Variants in PLEKHA7 observed in about 807,000 individuals in gnomAD.
PLEKHA7 encodes the protein pleckstrin homology domain containing A7.
Under a neutral mutation model 170.0 loss-of-function variants are expected in PLEKHA7, and 104 were observed. That is an observed-to-expected ratio of 0.61 (90% CI 0.52 to 0.72). The LOEUF (loss-of-function observed/expected upper bound fraction) is 0.72. PLEKHA7 is among the 30% of genes least tolerant of loss of function. PLEKHA7 has a pLI of 0.00. For synonymous variants in PLEKHA7, 648 were observed against 660.8 expected (o/e 0.98, Z 0.30); for missense variants, 1,615 against 1,671.7 (o/e 0.97, Z 0.59).
At chr11:16,801,966 C>T in intron 15 of PLEKHA7, 149 bp from the exon 16 acceptor site, 1 of 940,328 alleles carries the variant, frequency 1.1e-6, no homozygotes, top group South Asian at 1.6e-5. Context: ...GCTCTGATGC[C>T]AGCTCTGACT....
chr11:16,957,714 T>C (rs1861793143), intron 3 of PLEKHA7, among the ~76,000 whole-genome samples: 1 of 142,898 alleles, frequency 7.0e-6, no homozygotes, highest in African/African-American at 2.6e-5. Flanking sequence ...TTTTTTTTTT[T>C]TTTTTTTGAG....
intron 4 of PLEKHA7, among the ~76,000 whole-genome samples, chr11:16,856,203 T>C (rs1030726628): frequency 3.9e-5 from 6 of 152,168 alleles, no homozygotes; most frequent in African/African-American, 1.4e-4. Flanking sequence ...ACACTCACTC[T>C]CTTAATCAGG....
intron 19 of PLEKHA7, 61 bp downstream of exon 19, chr11:16,794,427 G>T (rs1421101121): frequency 1.3e-5 from 20 of 1,504,436 alleles, no homozygotes; most frequent in Non-Finnish European, 1.8e-5. Context: ...TCTCCCAGGA[G>T]AAGGTAATCT....
intron 9 of PLEKHA7, among the ~76,000 whole-genome samples, chr11:16,839,703 G>A (rs1590290017): frequency 6.6e-6 from 1 of 151,990 alleles, no homozygotes; most frequent in Non-Finnish European, 1.5e-5. Flanking sequence ...ATGTAATCTT[G>A]CAATCTAGAA....
At chr11:16,808,897 G>A (rs1257523765) in intron 13 of PLEKHA7, among the ~76,000 whole-genome samples, 1 of 152,204 alleles carries the variant, frequency 6.6e-6, no homozygotes, top group Admixed American at 6.5e-5. Context: ...AAGAAGGCAG[G>A]TGTGAAGTCA....
intron 3 of PLEKHA7, among the ~76,000 whole-genome samples, chr11:16,913,316 G>C (rs2136174893): frequency 6.6e-6 from 1 of 152,164 alleles, no homozygotes; most frequent in South Asian, 2.1e-4. Context: ...AATGCTAATT[G>C]CCCCCACAAG....
intron 3 of PLEKHA7, among the ~76,000 whole-genome samples, chr11:17,004,088 T>C (rs1212174566): frequency 1.3e-5 from 2 of 152,182 alleles, no homozygotes; most frequent in African/African-American, 4.8e-5. Context: ...GCAATAAACA[T>C]GATGCATCTG....
At chr11:16,947,019 C>G (rs1861073039) in intron 3 of PLEKHA7, among the ~76,000 whole-genome samples, 1 of 152,144 alleles carries the variant, frequency 6.6e-6, no homozygotes, top group Non-Finnish European at 1.5e-5. Context: ...GCGCCAGCAC[C>G]CCCTGGGAAC....
At chr11:16,897,433 CA>C (rs1455610315) in intron 3 of PLEKHA7, among the ~76,000 whole-genome samples, 1 of 152,164 alleles carries the variant, frequency 6.6e-6, no homozygotes, top group East Asian at 1.9e-4. Flanking sequence ...CCAAAGCCAG[CA>C]AAAGAGCCTA....
intron 3 of PLEKHA7, among the ~76,000 whole-genome samples, chr11:16,983,863 T>A (rs150688000): frequency 1.8e-4 from 28 of 152,238 alleles, no homozygotes; most frequent in South Asian, 1.0e-3. Flanking sequence ...CCCAGGTCCA[T>A]CTTTAATAAT....
At chr11:16,808,923 T>C (rs1849171168) in intron 13 of PLEKHA7, among the ~76,000 whole-genome samples, 1 of 152,178 alleles carries the variant, frequency 6.6e-6, no homozygotes, top group Non-Finnish European at 1.5e-5. Context: ...TGCGTACATG[T>C]CCCAGCAGTG....
intron 9 of PLEKHA7, among the ~76,000 whole-genome samples, chr11:16,828,093 C>A (rs1268038247): frequency 6.6e-6 from 1 of 152,216 alleles, no homozygotes; most frequent in Non-Finnish European, 1.5e-5. Context: ...ATGGGATCTG[C>A]TTCTCACTGT....
intron 13 of PLEKHA7, among the ~76,000 whole-genome samples, chr11:16,811,048 G>A (rs956845366): frequency 2.6e-5 from 4 of 152,130 alleles, no homozygotes; most frequent in Admixed American, 6.5e-5. Context: ...TGTTGGAGTC[G>A]ACACTCAGGG....
At chr11:16,920,204 G>A (rs1397068984) in intron 3 of PLEKHA7, among the ~76,000 whole-genome samples, 2 of 152,188 alleles carry the variant, frequency 1.3e-5, no homozygotes, top group Non-Finnish European at 2.9e-5. Context: ...GTACACATCT[G>A]CCTCTCCCAC....
Position 16,892,432 on chromosome 11 carries a change from G to GTGTGTGTTTTGTTTTGTTTTGTTT in PLEKHA7, c.222-21251_222-21250insAAACAAAACAAAACAAAACACACA, listed in dbSNP as rs1554964931. Reference sequence around the variant, plus strand: ...TGTGTGTGTGTGTGTGTGTGTGTGTGTGTTTTGTTTTGTTTTGTTTTGTTT... The same window carrying GTGTGTGTTTTGTTTTGTTTTGTTT: ...TGTGTGTGTGTGTGTGTGTGTGTGTGTGTGTGTTTTGTTTTGTTTTGTTTTGTTTTGTTTTGTTTTGTTTTGTTT... On this transcript the variant is annotated intron_variant, in intron 3 of 26. Coordinates refer to ENST00000531066, the MANE Select transcript of PLEKHA7 (RefSeq NM_001329630.2). Among the ~76,000 whole-genome samples the GTGTGTGTTTTGTTTTGTTTTGTTT allele has an allele frequency of 9.6e-5, 11 of 115,022 alleles. 1 individual carries two copies. In the South Asian group the frequency reaches 2.5e-3, roughly 26 times the overall value. 75.5% of individuals were successfully genotyped at this position (115,022 alleles called of 152,430 possible). A position where few individuals can be genotyped will look rare whatever the true frequency, so the allele number is the denominator to read the frequency against.
At chr11:16,980,874 CAAA>C (rs1361622044) in intron 3 of PLEKHA7, among the ~76,000 whole-genome samples, 1 of 152,000 alleles carries the variant, frequency 6.6e-6, no homozygotes, top group Non-Finnish European at 1.5e-5. Flanking sequence ...GCAACAAGAG[CAAA>C]ATTCCATCTC....
At chr11:16,951,557 T>G (rs906649223) in intron 3 of PLEKHA7, among the ~76,000 whole-genome samples, 4 of 152,170 alleles carry the variant, frequency 2.6e-5, no homozygotes, top group East Asian at 1.9e-4. Flanking sequence ...AGAACTCAGA[T>G]ACAAACCCAG....
chr11:16,783,545 G>A (rs1353215171), intron 25 of PLEKHA7, among the ~76,000 whole-genome samples, 155 bp downstream of exon 25: 3 of 152,222 alleles, frequency 2.0e-5, no homozygotes, highest in South Asian at 2.1e-4. Flanking sequence ...ATCTGCTGGC[G>A]ATGTACCAGC....
intron 17 of PLEKHA7, among the ~76,000 whole-genome samples, chr11:16,795,738 G>A (rs1277699563): frequency 6.0e-5 from 9 of 151,094 alleles, no homozygotes; most frequent in African/African-American, 1.5e-4. Flanking sequence ...GCAGTGAGCC[G>A]AGATCATATC....
Sources: gnomAD v4.1 joint callset for allele counts (sites outside exome capture counted in the v4.1 genomes callset) on GRCh38, gnomAD v4.1.1 for gene constraint, MANE v1.5 for transcripts, NCBI Gene and HGNC (gene_info 2026-07-23, HGNC 2026-07-21) for gene names.